Variants in SPARC observed in about 807,000 individuals in gnomAD.
SPARC encodes secreted protein acidic and cysteine rich, also known as basement-membrane protein 40.
Under a neutral mutation model 37.7 loss-of-function variants are expected in SPARC, and 23 were observed. The observed-to-expected ratio is 0.61, with a 90% CI of 0.44 to 0.87. The LOEUF is 0.87. Ranked by LOEUF, SPARC falls within the 40% of genes least tolerant of loss-of-function variation. The pLI is 0.00. For synonymous variants in SPARC, 155 were observed against 150.8 expected, an observed-to-expected ratio of 1.03 and a Z score of -0.20; for missense variants, 312 against 389.0, an observed-to-expected ratio of 0.80 and a Z score of 1.66.
intron 1 of SPARC, among the ~76,000 whole-genome samples, chr5:151,684,415 C>CTT (rs71575110): frequency 5.0e-5 from 7 of 139,722 alleles, no homozygotes; most frequent in South Asian, 2.3e-4. Context: ...TTAGAACACA[C>CTT]TTTTTTTTTT....
intron 1 of SPARC, among the ~76,000 whole-genome samples, chr5:151,684,627 G>T (rs1372934789): frequency 1.4e-5 from 2 of 146,016 alleles, no homozygotes; most frequent in African/African-American, 2.5e-5. Context: ...AAAAAAAGCT[G>T]AGAATGATTT....
rs73277829 is a variant in SPARC, at chr5:151,674,854, G to C, written c.58-180C>G. ...ACAGAACAAAGAAGAAGCCAGTCATGTGAGCACCGTGGAACACTCAAGCAG... is the reference window on the plus strand; with the variant it reads ...ACAGAACAAAGAAGAAGCCAGTCATCTGAGCACCGTGGAACACTCAAGCAG... On this transcript the variant is annotated intron_variant, in intron 2 of 9. Transcript: ENST00000231061. Among the ~76,000 whole-genome samples the C allele has an allele frequency of 3.6e-3, 556 of 152,352 alleles. 3 individuals are homozygous for C. The highest frequency in any genetic ancestry group is 0.013 in the African/African-American group (539 of 41,558).
chr5:151,664,346 A>G (rs1760580881), intron 8 of SPARC, 111 bp from the exon 9 acceptor site: 3 of 1,007,774 alleles, frequency 3.0e-6, no homozygotes, highest in Non-Finnish European at 4.4e-6. Flanking sequence ...AAGGATATTT[A>G]AAGCAGGACA....
chr5:151,665,428 T>A (rs1760599987), intron 8 of SPARC, among the ~76,000 whole-genome samples: 1 of 152,068 alleles, frequency 6.6e-6, no homozygotes, highest in African/African-American at 2.4e-5. Context: ...GCCCTCAGGA[T>A]CACTGGCAGG....
At chr5:151,672,369 C>T (rs1760765566) in intron 4 of SPARC, among the ~76,000 whole-genome samples, 1 of 152,142 alleles carries the variant, frequency 6.6e-6, no homozygotes, top group Non-Finnish European at 1.5e-5. Context: ...TTTAATAATC[C>T]TTTAGCGGAT....
intron 1 of SPARC, among the ~76,000 whole-genome samples, chr5:151,676,516 G>GT (rs1323962625): frequency 5.9e-5 from 9 of 151,944 alleles, no homozygotes; most frequent in Admixed American, 2.6e-4. Flanking sequence ...AAGTTGTTTT[G>GT]TTTTTTTTAT....
intron 1 of SPARC, among the ~76,000 whole-genome samples, chr5:151,685,420 TCTCACA>T (rs1441054347): frequency 1.8e-3 from 197 of 107,218 alleles, no homozygotes; most frequent in Admixed American, 3.6e-3. Context: ...TCCCTCTCTC[TCTCACA>T]CACACACACA....
rs1760536504 is a variant in SPARC at position 151,662,687 on chromosome 5, G to C, written c.*884C>G. ...TGACAATCATCCAAATGTGAGGAAA[G>C]AACAACCGATTCACCAACTCCACTT... On this transcript the variant is annotated 3_prime_UTR_variant, in exon 10 of 10. Coordinates refer to ENST00000231061, the MANE Select transcript of SPARC (RefSeq NM_003118.4). 6.6e-6 allele frequency: 1 copy of C among 152,518 alleles called. No homozygotes were observed. Among genetic ancestry groups the C allele is most frequent in the South Asian group, 2.1e-4 (1 of 4,828 alleles). The allele number at this position is 152,518 out of a possible 1,614,324, so 9.4% of individuals were successfully genotyped here.
At chr5:151,685,857 C>T (rs1231663870) in intron 1 of SPARC, 3 of 152,308 alleles carry the variant, frequency 2.0e-5, no homozygotes, top group Non-Finnish European at 4.4e-5. Flanking sequence ...CATAACTCAT[C>T]CCAGTGCCCC....
At chr5:151,664,057 T>C (rs1231554843) in intron 9 of SPARC, 30 bp downstream of exon 9, 3 of 1,613,698 alleles carry the variant, frequency 1.9e-6, no homozygotes, top group East Asian at 2.2e-5. Context: ...TTTCTGCCCA[T>C]GCCCCTTGCT....
chr5:151,683,242 T>C (rs138280642), intron 1 of SPARC, among the ~76,000 whole-genome samples: 12 of 152,376 alleles, frequency 7.9e-5, no homozygotes, highest in Admixed American at 2.0e-4. Context: ...AGCAGCCGCC[T>C]ACAGGCACAT....
In SPARC at chr5:151,666,427, T is replaced by C. The variant is rs774345233; in HGVS notation, c.668A>G (p.Asn223Ser). ...TACAGGGAAGATGTACATGTTATAG[T>C]TCTTCTCGAAGTCCCGGGCCAGCAG... ...VELLARDFEK[N>S]YNMYIFPVHW... The change falls in exon 8 of 10, where the codon AAC becomes AGC. Residue 223 changes from asparagine (N) to serine (S), a missense_variant. Asn to Ser is a conservative substitution (Grantham distance 46, BLOSUM62 1). Coordinates refer to ENST00000231061, the MANE Select transcript of SPARC (RefSeq NM_003118.4). 1.2e-6 allele frequency: 2 copies of C among 1,614,202 alleles called. No homozygotes were observed. The highest frequency in any genetic ancestry group is 1.3e-5 in the African/African-American group (1 of 75,048).
At chr5:151,683,730 G>A (rs1396928859) in intron 1 of SPARC, among the ~76,000 whole-genome samples, 1 of 152,232 alleles carries the variant, frequency 6.6e-6, no homozygotes. Flanking sequence ...GTTTCAGCCT[G>A]TAATAGGCGA....
In SPARC at chr5:151,673,162, C is replaced by T. The variant is rs376407701; in HGVS notation, c.175G>A (p.Ala59Thr). 6.2e-7 allele frequency: 1 copy of T among 1,614,018 alleles called. No individual in the cohort carries two copies. Among genetic ancestry groups the T allele is most frequent in the Non-Finnish European group, 8.5e-7 (1 of 1,179,842 alleles). Residue 59 changes from alanine to threonine, a missense_variant, in exon 4 of 10, where the codon GCA becomes ACA. Coordinates refer to ENST00000231061, the MANE Select transcript of SPARC (RefSeq NM_003118.4). ...QVEVGEFDDG[A>T]EETEEEVVAE... ...ACCACCTCCTCTTCGGTTTCCTCTG[C>T]ACCATCATCAAATTCTCCTACTTCC...
intron 1 of SPARC, among the ~76,000 whole-genome samples, chr5:151,683,320 G>A (rs1421740656): frequency 6.6e-6 from 1 of 152,240 alleles, no homozygotes; most frequent in Non-Finnish European, 1.5e-5. Context: ...GCCAGCCAAC[G>A]GGAGAGACAA....
chr5:151,671,783 C>A, intron 4 of SPARC, 89 bp from the exon 5 acceptor site: 1 of 1,555,506 alleles, frequency 6.4e-7, no homozygotes, highest in South Asian at 1.2e-5. Flanking sequence ...GGCTGACAGT[C>A]CTTGACTGTG....
At chr5:151,673,030 A>G in intron 4 of SPARC, 99 bp downstream of exon 4, 1 of 842,208 alleles carries the variant, frequency 1.2e-6, no homozygotes, top group Non-Finnish European at 2.1e-6. Flanking sequence ...CCCACCCTGC[A>G]TTTCTGCTGG....
chr5:151,680,216 CTTTTTTTTT>C lies in SPARC; in HGVS notation c.-13-4024_-13-4016del, dbSNP rs58021431. Among the ~76,000 whole-genome samples, 49 of 61,988 alleles carry C rather than the reference CTTTTTTTTT, an allele frequency of 7.9e-4. 2 individuals carry two copies. In the South Asian group the frequency reaches 0.015, roughly 19 times the overall value. 40.7% of individuals were successfully genotyped at this position (61,988 alleles called of 152,430 possible). ...TGCAATAGAGAATAGTGGAAAACATCTTTTTTTTTTTTTTTTTTTTTTTTTTTTGAGACA... is the reference window on the plus strand; with the variant it reads ...TGCAATAGAGAATAGTGGAAAACATCTTTTTTTTTTTTTTTTTTTGAGACA... On this transcript the variant is annotated intron_variant, in intron 1 of 9. Transcript: ENST00000231061.
At chr5:151,668,835 C>T (rs186115046) in intron 6 of SPARC, among the ~76,000 whole-genome samples, 72 of 152,274 alleles carry the variant, frequency 4.7e-4, no homozygotes, top group African/African-American at 1.7e-3. Flanking sequence ...AATTTCATAC[C>T]TGGGGTCCCA....
Sources: gnomAD v4.1 joint callset for allele counts (sites outside exome capture counted in the v4.1 genomes callset) on GRCh38, gnomAD v4.1.1 for gene constraint, MANE v1.5 for transcripts, NCBI Gene and HGNC (gene_info 2026-07-23, HGNC 2026-07-21) for gene names.